The following CLMP variants were observed in gnomAD, a reference collection of about 807,000 sequenced individuals.
CLMP encodes CXADR-like membrane protein.
A neutral mutation model predicts 45.2 loss-of-function variants in CLMP; 27 were observed. The observed-to-expected ratio is 0.60, with a 90% CI of 0.44 to 0.82. The LOEUF (loss-of-function observed/expected upper bound fraction) is 0.82, where lower values mean the gene tolerates loss of function less well. Among genes scored for constraint, CLMP ranks in the 40% least tolerant of loss-of-function variants. The probability of loss-of-function intolerance (pLI) is 0.00; values close to 1 mark genes in which losing one functional copy is unlikely to be tolerated. For missense variants in CLMP, 403 were observed against 448.4 expected (o/e 0.90, Z 0.91); for synonymous variants, 167 against 171.4 (o/e 0.97, Z 0.20).
chr11:123,180,298 C>T (rs1861752430), intron 1 of CLMP, among the ~76,000 whole-genome samples: 2 of 152,176 alleles, frequency 1.3e-5, no homozygotes, highest in South Asian at 4.1e-4. Context: ...CCACAAAGCT[C>T]ATATGTTGAA....
intron 1 of CLMP, among the ~76,000 whole-genome samples, chr11:123,151,099 T>C (rs752700204): frequency 1.2e-4 from 18 of 152,254 alleles, no homozygotes; most frequent in South Asian, 2.1e-4. Context: ...CAGGCAGTGA[T>C]GTGAGAATGG....
intron 1 of CLMP, among the ~76,000 whole-genome samples, chr11:123,169,828 G>T (rs1861605477): frequency 6.6e-6 from 1 of 152,190 alleles, no homozygotes; most frequent in Non-Finnish European, 1.5e-5. Flanking sequence ...GAGGAAGCCG[G>T]TGTTGGGGGG....
chr11:123,188,709 G>C (rs959530714), intron 1 of CLMP: 1 of 152,172 alleles, frequency 6.6e-6, no homozygotes, highest in Admixed American at 6.6e-5. Context: ...TCCACACACA[G>C]TGACCCAACC....
intron 2 of CLMP, among the ~76,000 whole-genome samples, chr11:123,087,137 A>G (rs758791662): frequency 6.6e-6 from 1 of 152,178 alleles, no homozygotes; most frequent in African/African-American, 2.4e-5. Context: ...TGGGAGTTCA[A>G]GACCAGCCTG....
chr11:123,110,453 G>GA (rs386375126), intron 1 of CLMP, among the ~76,000 whole-genome samples: 39,262 of 132,828 alleles, frequency 0.3, 5,915 homozygotes, highest in African/African-American at 0.43. Context: ...GACTCCGTCA[G>GA]AAAAAAAAAA....
At chr11:123,152,677 G>T (rs34115002) in intron 1 of CLMP, among the ~76,000 whole-genome samples, 28,168 of 152,010 alleles carry the variant, frequency 0.19, 2,796 homozygotes, top group Middle Eastern at 0.23. Context: ...CATTTCTGTT[G>T]TTTCCGTCAC....
rs376114618 is a variant in CLMP, at chr11:123,195,012, G to C, written c.-72C>G. ...TCCGGGGCGGCCGGGCGCCTCCGAC[G>C]GACCTCGGGCGAGCTGGGCGCGGCG... On this transcript the variant is annotated 5_prime_UTR_variant, in exon 1 of 7. Coordinates refer to ENST00000448775, the MANE Select transcript of CLMP (RefSeq NM_024769.5). The C allele has an allele frequency of 1.9e-3, 2,882 of 1,505,882 alleles. 35 individuals carry two copies. In the African/African-American group the frequency reaches 0.029, roughly 15 times the overall value. 93.3% of individuals were successfully genotyped at this position (1,505,882 alleles called of 1,614,324 possible).
intron 2 of CLMP, among the ~76,000 whole-genome samples, chr11:123,087,396 C>CT (rs1157498827): frequency 5.9e-5 from 9 of 151,824 alleles, no homozygotes; most frequent in Admixed American, 5.9e-4. Context: ...GTAAACCCAG[C>CT]TACTCAGGAG....
chr11:123,141,173 C>CTTTTTTTTT lies in CLMP; in HGVS notation c.29-43230_29-43222dup, dbSNP rs550888215. 8.0e-4 allele frequency among the ~76,000 whole-genome samples: 65 copies of CTTTTTTTTT among 80,842 alleles called. 4 individuals are homozygous for CTTTTTTTTT. Among genetic ancestry groups the CTTTTTTTTT allele is most frequent in the African/African-American group, 1.0e-3 (18 of 17,974 alleles). The allele number at this position is 80,842 out of a possible 152,430, so 53.0% of individuals were successfully genotyped here. A position where few individuals can be genotyped will look rare whatever the true frequency, so the allele number is the denominator to read the frequency against. On this transcript the variant is annotated intron_variant, in intron 1 of 6. Coordinates refer to ENST00000448775, the MANE Select transcript of CLMP (RefSeq NM_024769.5). The stretch of plus-strand genomic sequence containing the variant: ...GTACATTATCCAATCTCAGGCATTC[C>CTTTTTTTTT]TTTTTTTTTTTTTTTTTTTTTTTTT...
intron 1 of CLMP, chr11:123,136,436 T>TG: frequency 2.8e-6 from 1 of 362,456 alleles, no homozygotes; most frequent in Non-Finnish European, 5.0e-6. Flanking sequence ...CCGCCCTCCT[T>TG]GTCCCCCCCC....
intron 1 of CLMP, among the ~76,000 whole-genome samples, chr11:123,129,622 A>AGT (rs1200749081): frequency 7.3e-6 from 1 of 137,398 alleles, no homozygotes; most frequent in Non-Finnish European, 1.5e-5. Flanking sequence ...ATATTTATAT[A>AGT]ATATAATATA....
At chr11:123,129,579 T>C (rs1241941900) in intron 1 of CLMP, among the ~76,000 whole-genome samples, 1 of 140,388 alleles carries the variant, frequency 7.1e-6, no homozygotes, top group African/African-American at 2.6e-5. Flanking sequence ...TTATATAATA[T>C]ATATTGTAAT....
chr11:123,109,749 C>A (rs1320576742), intron 1 of CLMP, among the ~76,000 whole-genome samples: 2 of 152,166 alleles, frequency 1.3e-5, no homozygotes, highest in African/African-American at 4.8e-5. Flanking sequence ...GATTTATTGA[C>A]CACCAGTATG....
At chr11:123,092,290 A>G (rs1291196503) in intron 2 of CLMP, among the ~76,000 whole-genome samples, 1 of 146,366 alleles carries the variant, frequency 6.8e-6, no homozygotes, top group Non-Finnish European at 1.5e-5. Flanking sequence ...ACACACACAC[A>G]AAGACACACA....
At chr11:123,185,316 G>A (rs974499313) in intron 1 of CLMP, among the ~76,000 whole-genome samples, 2 of 152,256 alleles carry the variant, frequency 1.3e-5, no homozygotes, top group Non-Finnish European at 2.9e-5. Context: ...CGGAGTTCAC[G>A]CTGGTCTTTG....
intron 2 of CLMP, among the ~76,000 whole-genome samples, chr11:123,091,107 CCTTT>C (rs1282714845): frequency 6.6e-6 from 1 of 151,502 alleles, no homozygotes; most frequent in Non-Finnish European, 1.5e-5. Flanking sequence ...TTCTTTGTTT[CCTTT>C]CTTTCTTTTT....
chr11:123,093,047 A>G (rs1364118970), intron 2 of CLMP, among the ~76,000 whole-genome samples: 2 of 151,422 alleles, frequency 1.3e-5, no homozygotes, highest in African/African-American at 2.4e-5. Context: ...AACTGGGACT[A>G]CAGGCACCCG....
chr11:123,138,758 A>AT (rs1861113126), intron 1 of CLMP, among the ~76,000 whole-genome samples: 1 of 151,990 alleles, frequency 6.6e-6, no homozygotes, highest in Admixed American at 6.6e-5. Context: ...GGTTCAAGCA[A>AT]TTTTCCTGTC....
intron 1 of CLMP, among the ~76,000 whole-genome samples, chr11:123,131,493 C>T (rs80282008): frequency 0.049 from 7,428 of 152,170 alleles, 308 homozygotes; most frequent in African/African-American, 0.12. Flanking sequence ...CCAAAACTAA[C>T]CTTTTCCAAA....
Sources: allele counts gnomAD v4.1 joint callset (sites outside exome capture counted in the v4.1 genomes callset), GRCh38; gene constraint gnomAD v4.1.1; transcripts MANE v1.5; gene names NCBI Gene and HGNC (gene_info 2026-07-23, HGNC 2026-07-21).